Variants in H2BC5 observed in about 807,000 individuals in gnomAD.
H2BC5 encodes H2B clustered histone 5, also known as histone H2B type 1-D.
A neutral mutation model predicts 5.7 loss-of-function variants in H2BC5; 9 were observed. The ratio of observed to expected loss-of-function variants is 1.57; its 90% CI spans 0.95 to 2.74. The LOEUF (loss-of-function observed/expected upper bound fraction) is 2.74. Among genes scored for constraint, H2BC5 ranks in the 30% most tolerant of loss-of-function variants. The pLI, the probability that H2BC5 is intolerant of heterozygous loss-of-function variation, is 0.00. For missense variants in H2BC5, 175 were observed against 168.8 expected (o/e 1.04, Z -0.20); for synonymous variants, 133 against 70.9 (o/e 1.88, Z -4.40).
Position 26,158,320 on chromosome 6 carries a change from C to T in H2BC5, c.151C>T (p.Pro51Ser). ...YVYKVLKQVH[P>S]DTGISSKAMG... ...GTACAAGGTGCTGAAGCAGGTCCATCCCGACACCGGCATCTCTTCCAAGGC... is the reference window on the plus strand; with the variant it reads ...GTACAAGGTGCTGAAGCAGGTCCATTCCGACACCGGCATCTCTTCCAAGGC... The change falls in exon 1 of 1, where the codon CCC becomes TCC. Residue 51 changes from proline (P) to serine (S), a missense_variant. By Grantham distance (74) the Pro-to-Ser change is moderately conservative. This residue lies in a region of H2BC5 where 119 missense variants were observed against 85.6 expected (regional missense o/e 1.39). Transcript: ENST00000377777. 6.2e-7 allele frequency: 1 copy of T among 1,614,274 alleles called. No homozygotes were observed. The highest frequency in any genetic ancestry group is 8.5e-7 in the Non-Finnish European group (1 of 1,180,056).
chr6:26,159,107 GTC>G (rs1764300660), downstream of H2BC5, among the ~76,000 whole-genome samples: 1 of 152,188 alleles, frequency 6.6e-6, no homozygotes, highest in African/African-American at 2.4e-5. Context: ...GCCAGTTTCT[GTC>G]TGAAGCTCTT....
At chr6:26,166,494 A>T (rs76558272) in intron 1 of H2BC5, among the ~76,000 whole-genome samples, 1 of 151,842 alleles carries the variant, frequency 6.6e-6, no homozygotes, top group South Asian at 2.1e-4. Flanking sequence ...TGTTTTTCCT[A>T]TGCTGCTTCT....
intron 1 of H2BC5, among the ~76,000 whole-genome samples, chr6:26,169,947 G>A (rs755364230): frequency 6.6e-6 from 1 of 151,930 alleles, no homozygotes; most frequent in Non-Finnish European, 1.5e-5. Flanking sequence ...GAGGGAAAGA[G>A]CTTGGAGAAC....
chr6:26,165,400 A>G (rs951491783), intron 1 of H2BC5, among the ~76,000 whole-genome samples: 1 of 152,054 alleles, frequency 6.6e-6, no homozygotes, highest in African/African-American at 2.4e-5. Context: ...TTGCTATTGC[A>G]TCGTTTGAAG....
intron 1 of H2BC5, among the ~76,000 whole-genome samples, chr6:26,168,186 C>CA (rs1253763055): frequency 6.6e-6 from 1 of 152,030 alleles, no homozygotes; most frequent in Non-Finnish European, 1.5e-5. Flanking sequence ...GGGCCAGGCC[C>CA]AGTGGCTCAA....
chr6:26,164,318 A>G (rs1764389942), intron 1 of H2BC5: 1 of 244,446 alleles, frequency 4.1e-6, no homozygotes, highest in Non-Finnish European at 8.9e-6. Context: ...GCACTCAGAC[A>G]CACAGATTTG....
downstream of H2BC5, chr6:26,158,631 T>A: frequency 6.4e-7 from 1 of 1,561,824 alleles, no homozygotes; most frequent in Non-Finnish European, 8.7e-7. Flanking sequence ...TGAGTTGTAA[T>A]CATTTCATTC....
intron 1 of H2BC5, among the ~76,000 whole-genome samples, chr6:26,169,952 G>A (rs1381381782): frequency 2.6e-5 from 4 of 151,660 alleles, no homozygotes; most frequent in African/African-American, 9.7e-5. Flanking sequence ...AAAGAGCTTG[G>A]AGAACTAAAA....
intron 1 of H2BC5, chr6:26,164,117 T>C (rs1764387145): frequency 4.4e-6 from 2 of 456,810 alleles, no homozygotes; most frequent in Non-Finnish European, 8.9e-6. Context: ...TCTTGAAGAC[T>C]TCTGAGTAGA....
intron 1 of H2BC5, among the ~76,000 whole-genome samples, chr6:26,165,171 G>A (rs1764401385): frequency 6.6e-6 from 1 of 152,084 alleles, no homozygotes; most frequent in African/African-American, 2.4e-5. Flanking sequence ...TTTGTTTTTG[G>A]AAATATTTTT....
At chr6:26,169,334 G>GT (rs1764483291) in intron 1 of H2BC5, among the ~76,000 whole-genome samples, 1 of 152,132 alleles carries the variant, frequency 6.6e-6, no homozygotes, top group Non-Finnish European at 1.5e-5. Flanking sequence ...GGAGCCCTCA[G>GT]TTAAGAAGAC....
At chr6:26,168,460 TA>T (rs1018788679) in intron 1 of H2BC5, among the ~76,000 whole-genome samples, 86 of 143,308 alleles carry the variant, frequency 6.0e-4, no homozygotes, top group East Asian at 5.2e-3. Flanking sequence ...CTCCATTTTT[TA>T]AAAAAAAAAA....
intron 1 of H2BC5, among the ~76,000 whole-genome samples, chr6:26,167,550 T>G (rs1188704848): frequency 6.6e-6 from 1 of 152,176 alleles, no homozygotes; most frequent in Non-Finnish European, 1.5e-5. Flanking sequence ...TTTACAAAAG[T>G]AAGTAAGCTG....
chr6:26,163,256 G>A (rs999135925), downstream of H2BC5: 2 of 152,054 alleles, frequency 1.3e-5, no homozygotes, highest in Non-Finnish European at 2.9e-5. Context: ...TGGGATTACA[G>A]GCATGAGGCA....
intron 1 of H2BC5, among the ~76,000 whole-genome samples, chr6:26,164,531 C>T (rs560320633): frequency 5.9e-5 from 9 of 152,038 alleles, no homozygotes; most frequent in Non-Finnish European, 8.8e-5. Flanking sequence ...CTCAACATCC[C>T]CTTCCCTCTC....
downstream of H2BC5, chr6:26,160,856 GA>G (rs1764339594): frequency 2.9e-5 from 4 of 139,568 alleles, no homozygotes. Context: ...GCCACAGAAT[GA>G]GACTCTGTCT....
chr6:26,170,377 T>C (rs886080730), intron 1 of H2BC5, among the ~76,000 whole-genome samples: 1 of 152,176 alleles, frequency 6.6e-6, no homozygotes, highest in African/African-American at 2.4e-5. Context: ...TCAAAACGTA[T>C]TTGCAGCATG....
intron 1 of H2BC5, among the ~76,000 whole-genome samples, chr6:26,169,548 A>G (rs1764485373): frequency 6.6e-6 from 1 of 152,208 alleles, no homozygotes; most frequent in African/African-American, 2.4e-5. Flanking sequence ...CTTTATAAAT[A>G]CAAAACAATA....
Position 26,158,125 on chromosome 6 carries a change from A to G in H2BC5, c.-45A>G. The G allele has an allele frequency of 6.4e-7, 1 of 1,574,078 alleles. No individual in the cohort carries two copies. Among genetic ancestry groups the G allele is most frequent in the African/African-American group, 1.4e-5 (1 of 73,288 alleles). The stretch of plus-strand genomic sequence containing the variant: ...GAACAGGGCCTCGGCGGGAGTGATT[A>G]TTTTCTCAGGTGTTTGCAACAGTGT... On this transcript the variant is annotated 5_prime_UTR_variant, in exon 1 of 1. Coordinates refer to ENST00000377777, the MANE Select transcript of H2BC5 (RefSeq NM_021063.4).
Sources: gnomAD v4.1 joint callset for allele counts (sites outside exome capture counted in the v4.1 genomes callset) on GRCh38, gnomAD v4.1.1 for gene constraint, gnomAD v4.1.1 regional missense constraint, MANE v1.5 for transcripts, NCBI Gene and HGNC (gene_info 2026-07-23, HGNC 2026-07-21) for gene names.